Variants in CHST8 observed in about 807,000 individuals in gnomAD.
CHST8 encodes carbohydrate sulfotransferase 8, also known as GALNAC-4-ST1.
Under a neutral mutation model 15.0 loss-of-function variants are expected in CHST8, and 10 were observed. The ratio of observed to expected loss-of-function variants is 0.67; its 90% CI spans 0.41 to 1.13. CHST8 has a LOEUF of 1.13. Ranked by LOEUF, CHST8 falls within the 50% of genes most tolerant of loss-of-function variation. CHST8 has a pLI of 0.00. For synonymous variants in CHST8, 259 were observed against 256.6 expected (o/e 1.01, Z -0.09); for missense variants, 634 against 608.2 (o/e 1.04, Z -0.45).
At chr19:33,648,600 C>T (rs910630314) in intron 1 of CHST8, among the ~76,000 whole-genome samples, 8 of 152,146 alleles carry the variant, frequency 5.3e-5, no homozygotes, top group South Asian at 2.1e-4. Flanking sequence ...GTTGACTGGG[C>T]GTGGTGGCTC....
intron 1 of CHST8, among the ~76,000 whole-genome samples, chr19:33,637,859 G>GAA (rs566331956): frequency 1.2e-3 from 91 of 75,326 alleles, no homozygotes; most frequent in Non-Finnish European, 2.1e-3. Context: ...TATCTCTTAA[G>GAA]AAAAAAAAAA....
At chr19:33,694,093 C>CATATATATATATAT (rs3040787) in intron 3 of CHST8, among the ~76,000 whole-genome samples, 8 of 31,396 alleles carry the variant, frequency 2.5e-4, no homozygotes, top group East Asian at 1.9e-3. Context: ...GTAGTTTATT[C>CATATATATATATAT]ATATATATAT....
At chr19:33,630,510 G>A (rs1225882872) in intron 1 of CHST8, among the ~76,000 whole-genome samples, 3 of 150,950 alleles carry the variant, frequency 2.0e-5, no homozygotes, top group East Asian at 2.0e-4. Context: ...GAGCCAGCAC[G>A]TGGGTCAGGC....
chr19:33,711,654 G>A (rs930314253), intron 3 of CHST8, among the ~76,000 whole-genome samples: 2 of 152,052 alleles, frequency 1.3e-5, no homozygotes, highest in African/African-American at 4.8e-5. Context: ...TTTTTTTGGT[G>A]AGACAGAATC....
At chr19:33,757,460 AAG>A (rs1568358502) in intron 3 of CHST8, among the ~76,000 whole-genome samples, 1 of 39,110 alleles carries the variant, frequency 2.6e-5, no homozygotes, top group East Asian at 4.8e-4. Context: ...GAAAGAAAGA[AAG>A]AAAGAAAGAA....
intron 3 of CHST8, among the ~76,000 whole-genome samples, chr19:33,727,852 C>T (rs889362895): frequency 1.3e-5 from 2 of 152,236 alleles, no homozygotes; most frequent in Non-Finnish European, 1.5e-5. Flanking sequence ...CCTTGCTTTC[C>T]GGCGCCTCTC....
intron 1 of CHST8, among the ~76,000 whole-genome samples, chr19:33,633,143 A>G (rs941782684): frequency 1.3e-5 from 2 of 152,044 alleles, no homozygotes; most frequent in Non-Finnish European, 2.9e-5. Flanking sequence ...TTGTTTTTAA[A>G]CTTAATAGAA....
chr19:33,659,059 C>CTTTTTTTTTTTTTTTTTTTTTTTTT (rs71181374), intron 1 of CHST8, among the ~76,000 whole-genome samples: 2 of 78,842 alleles, frequency 2.5e-5, no homozygotes, highest in Admixed American at 2.1e-4. Flanking sequence ...TAGGTAATGA[C>CTTTTTTTTTTTTTTTTTTTTTTTTT]TTTTTTTTTT....
At chr19:33,681,036 T>A (rs1972880926) in intron 2 of CHST8, among the ~76,000 whole-genome samples, 1 of 152,242 alleles carries the variant, frequency 6.6e-6, no homozygotes, top group South Asian at 2.1e-4. Context: ...ATATTGACAT[T>A]GATACGGTCG....
At chr19:33,771,386 C>T in intron 3 of CHST8, 27 bp from the exon 4 acceptor site, 9 of 1,613,378 alleles carry the variant, frequency 5.6e-6, no homozygotes, top group Non-Finnish European at 6.8e-6. Context: ...TCCGCTAATA[C>T]TGTCCTCTCC....
chr19:33,632,634 C>T (rs558023792), intron 1 of CHST8, among the ~76,000 whole-genome samples: 29 of 152,094 alleles, frequency 1.9e-4, no homozygotes, highest in Non-Finnish European at 3.7e-4. Context: ...AGCACTGGAG[C>T]AGGGATCAGA....
intron 3 of CHST8, among the ~76,000 whole-genome samples, chr19:33,734,590 G>A (rs1379548058): frequency 1.3e-5 from 2 of 152,130 alleles, no homozygotes; most frequent in African/African-American, 2.4e-5. Context: ...CCAGCCCCCA[G>A]CCCCCAGGAG....
rs898772745 is a variant in CHST8, at chr19:33,742,612, T to A, written c.131-28801T>A. On this transcript the variant is annotated intron_variant, in intron 3 of 4. Coordinates refer to ENST00000650847, the MANE Select transcript of CHST8 (RefSeq NM_001127895.2). Reference sequence around the variant, plus strand: ...CTACATTGGGGATTTCATTTCAACATGAGATTTGGAGGAGACAAAACATCC... The same window carrying A: ...CTACATTGGGGATTTCATTTCAACAAGAGATTTGGAGGAGACAAAACATCC... Among the ~76,000 whole-genome samples, 6 of 152,132 alleles carry A rather than the reference T, an allele frequency of 3.9e-5. 1 individual carries two copies. The highest frequency in any genetic ancestry group is 3.3e-4 in the Admixed American group (5 of 15,276).
intron 3 of CHST8, among the ~76,000 whole-genome samples, chr19:33,701,572 C>A (rs1303405188): frequency 6.6e-6 from 1 of 152,036 alleles, no homozygotes; most frequent in Admixed American, 6.6e-5. Flanking sequence ...AAGAGTGAGA[C>A]TTATGTTTTA....
intron 3 of CHST8, among the ~76,000 whole-genome samples, chr19:33,699,876 TGC>T (rs2145275587): frequency 6.6e-6 from 1 of 152,210 alleles, no homozygotes; most frequent in South Asian, 2.1e-4. Context: ...CTGAGACAAA[TGC>T]CAGGACAAAT....
chr19:33,773,030 C>T lies in CHST8; in HGVS notation c.1242C>T (p.Phe414=). Reference sequence around the variant, plus strand: ...TCTACTACATGGATTACCTGATGTTCAACTATTCCAAGCCCTTTGCAGATC... The same window carrying T: ...TCTACTACATGGATTACCTGATGTTTAACTATTCCAAGCCCTTTGCAGATC... The part of the protein sequence containing the change: ...YDFYYMDYLM[F]NYSKPFADLY The change falls in exon 5 of 5, where the codon TTC becomes TTT. Residue 414 remains phenylalanine (F), a synonymous_variant. Coordinates refer to ENST00000650847, the MANE Select transcript of CHST8 (RefSeq NM_001127895.2). The T allele has an allele frequency of 6.2e-7, 1 of 1,610,314 alleles. No homozygotes were observed. Among genetic ancestry groups the T allele is most frequent in the South Asian group, 1.1e-5 (1 of 91,002 alleles).
At chr19:33,755,863 C>T (rs753246795) in intron 3 of CHST8, among the ~76,000 whole-genome samples, 2 of 152,222 alleles carry the variant, frequency 1.3e-5, no homozygotes, top group African/African-American at 4.8e-5. Flanking sequence ...TACATGGGAG[C>T]ACATTCCGTT....
At chr19:33,712,810 A>C (rs1243498342) in intron 3 of CHST8, among the ~76,000 whole-genome samples, 1 of 151,994 alleles carries the variant, frequency 6.6e-6, no homozygotes, top group African/African-American at 2.4e-5. Context: ...CCCACCCCCA[A>C]CTTTGGTGCT....
At chr19:33,757,829 T>C (rs1243720899) in intron 3 of CHST8, among the ~76,000 whole-genome samples, 1 of 152,046 alleles carries the variant, frequency 6.6e-6, no homozygotes, top group Non-Finnish European at 1.5e-5. Flanking sequence ...GTAGCTGGGA[T>C]TCCATGTGTG....
Sources: allele counts gnomAD v4.1 joint callset (sites outside exome capture counted in the v4.1 genomes callset), GRCh38; gene constraint gnomAD v4.1.1; transcripts MANE v1.5; gene names NCBI Gene and HGNC (gene_info 2026-07-23, HGNC 2026-07-21).